ARHGAP44: variants seen among roughly 807,000 people sequenced by gnomAD.
ARHGAP44 encodes rho GTPase-activating protein 44.
A neutral mutation model predicts 106.8 loss-of-function variants in ARHGAP44; 43 were observed. The ratio of observed to expected loss-of-function variants is 0.40; its 90% CI spans 0.32 to 0.52. The LOEUF (loss-of-function observed/expected upper bound fraction) is 0.52, where lower values mean the gene tolerates loss of function less well. Among genes scored for constraint, ARHGAP44 ranks in the 20% least tolerant of loss-of-function variants. The pLI is 0.48. For missense variants in ARHGAP44, 866 were observed against 1,050.5 expected (o/e 0.82, Z 2.43); for synonymous variants, 439 against 410.3 (o/e 1.07, Z -0.85).
chr17:12,902,030 T>G (rs2037389207), intron 3 of ARHGAP44, among the ~76,000 whole-genome samples: 1 of 152,110 alleles, frequency 6.6e-6, no homozygotes, highest in Non-Finnish European at 1.5e-5. Context: ...TCCTCTTCCC[T>G]TCTCTGCAAG....
rs538232997 is a variant in ARHGAP44 at position 12,901,908 on chromosome 17, A to G, written c.198+5397A>G. On this transcript the variant is annotated intron_variant, in intron 3 of 20. Transcript: ENST00000379672. Reference sequence around the variant, plus strand: ...GTAAGCCCTGCTGACTCTTCCTCCAAAGAATTTCCATTTGGCTTCAACATT... The same window carrying G: ...GTAAGCCCTGCTGACTCTTCCTCCAGAGAATTTCCATTTGGCTTCAACATT... Among the ~76,000 whole-genome samples the G allele has an allele frequency of 1.4e-4, 22 of 152,200 alleles. No homozygotes were observed. In the East Asian group the frequency reaches 1.5e-3, roughly 11 times the overall value.
At chr17:12,895,034 G>A in intron 2 of ARHGAP44, 55 bp downstream of exon 2, 1 of 1,535,000 alleles carries the variant, frequency 6.5e-7, no homozygotes, top group South Asian at 1.2e-5. Context: ...GGGAGGCTGA[G>A]GCAGGAGAAT....
At chr17:12,875,668 G>A (rs1442841634) in intron 1 of ARHGAP44, among the ~76,000 whole-genome samples, 1 of 152,134 alleles carries the variant, frequency 6.6e-6, no homozygotes, top group Non-Finnish European at 1.5e-5. Flanking sequence ...ATTAGGCTGG[G>A]CGCAGTGGCT....
intron 16 of ARHGAP44, among the ~76,000 whole-genome samples, chr17:12,970,920 T>A (rs1268891295): frequency 6.6e-6 from 1 of 152,216 alleles, no homozygotes; most frequent in Non-Finnish European, 1.5e-5. Flanking sequence ...ACCATCTTGC[T>A]TTGGAAGGTA....
chr17:12,892,597 C>A (rs956714699), intron 1 of ARHGAP44, among the ~76,000 whole-genome samples: 2 of 152,060 alleles, frequency 1.3e-5, no homozygotes, highest in Middle Eastern at 6.8e-3. Flanking sequence ...TTCCCTTCTT[C>A]TTCTGGGACT....
chr17:12,852,506 C>T (rs935337325), intron 1 of ARHGAP44, among the ~76,000 whole-genome samples: 11 of 149,310 alleles, frequency 7.4e-5, no homozygotes, highest in Non-Finnish European at 1.6e-4. Flanking sequence ...TGAAAATATA[C>T]ATATATTTCT....
At chr17:12,900,913 C>CTT (rs3074723) in intron 3 of ARHGAP44, among the ~76,000 whole-genome samples, 2 of 103,604 alleles carry the variant, frequency 1.9e-5, no homozygotes, top group South Asian at 3.7e-4. Flanking sequence ...GAAAGTTTGG[C>CTT]TTTTTTTTTT....
chr17:12,959,040 C>G, intron 16 of ARHGAP44, 143 bp downstream of exon 16: 1 of 1,034,772 alleles, frequency 9.7e-7, no homozygotes, highest in Non-Finnish European at 1.4e-6. Flanking sequence ...TAAACTGTAT[C>G]TGCTGTGTCT....
rs551905033 is a variant in ARHGAP44 at position 12,949,791 on chromosome 17, A to G, written c.1055+61A>G. The G allele has an allele frequency of 6.7e-7, 1 of 1,499,552 alleles. No individual in the cohort carries two copies. The highest frequency in any genetic ancestry group is 1.1e-5 in the South Asian group (1 of 87,872). The allele number at this position is 1,499,552 out of a possible 1,614,324, so 92.9% of individuals were successfully genotyped here. A position where few individuals can be genotyped will look rare whatever the true frequency, so the allele number is the denominator to read the frequency against. On this transcript the variant is annotated intron_variant, in intron 12 of 20. Coordinates refer to ENST00000379672, the MANE Select transcript of ARHGAP44 (RefSeq NM_014859.6). The surrounding 1 kb of genome is among the most constrained non-coding windows in gnomAD (Gnocchi z 4.1). ...ACAGTTTATTTGGGAGTATGTGCTGAAATTATAGAAGCATGTAACCTATGA... is the reference window on the plus strand; with the variant it reads ...ACAGTTTATTTGGGAGTATGTGCTGGAATTATAGAAGCATGTAACCTATGA...
chr17:12,886,135 C>G (rs2322654), intron 1 of ARHGAP44, among the ~76,000 whole-genome samples: 1 of 151,254 alleles, frequency 6.6e-6, no homozygotes, highest in East Asian at 1.9e-4. Context: ...TTTTTAGAGA[C>G]CACTGATCAT....
rs1363493719 is a variant in ARHGAP44, at chr17:12,895,761, CA to C, written c.94-643del. On this transcript the variant is annotated intron_variant, in intron 2 of 20. Transcript: ENST00000379672. ...GCCATCCCATTACTGGGTATATACC[CA>C]AAGGATTATAAATCATGCTGCTATA... Among the ~76,000 whole-genome samples, 13 of 152,100 alleles carry C rather than the reference CA, an allele frequency of 8.5e-5. No homozygotes were observed. In the South Asian group the frequency reaches 1.9e-3, roughly 22 times the overall value.
At chr17:12,893,871 G>A (rs1382568474) in intron 1 of ARHGAP44, among the ~76,000 whole-genome samples, 2 of 152,274 alleles carry the variant, frequency 1.3e-5, no homozygotes, top group East Asian at 3.9e-4. Context: ...TAAGCTCCAA[G>A]TCTGAGAAAT....
chr17:12,833,709 G>C (rs1413773403), intron 1 of ARHGAP44, among the ~76,000 whole-genome samples: 2 of 152,182 alleles, frequency 1.3e-5, no homozygotes, highest in Admixed American at 1.3e-4. Flanking sequence ...ATTTTAGGGA[G>C]ACATAAGGCA....
At chr17:12,960,832 G>C (rs1433148760) in intron 16 of ARHGAP44, among the ~76,000 whole-genome samples, 1 of 152,062 alleles carries the variant, frequency 6.6e-6, no homozygotes, top group Non-Finnish European at 1.5e-5. Flanking sequence ...CCAAAGTACT[G>C]GGATTACAAG....
chr17:12,900,322 GT>G (rs2037337949), intron 3 of ARHGAP44, among the ~76,000 whole-genome samples: 1 of 151,862 alleles, frequency 6.6e-6, no homozygotes, highest in Non-Finnish European at 1.5e-5. Context: ...TAGAGATGGG[GT>G]TTCACCATGT....
intron 19 of ARHGAP44, 142 bp from the exon 20 acceptor site, chr17:12,984,389 G>T (rs1490770725): frequency 1.3e-6 from 1 of 793,202 alleles, no homozygotes; most frequent in Non-Finnish European, 1.8e-6. Flanking sequence ...AGGCCGGGGG[G>T]CAGGGCAGGG....
In ARHGAP44 at chr17:12,949,274, G is replaced by T. The variant is rs746053248; in HGVS notation, c.973+23G>T. On this transcript the variant is annotated intron_variant, in intron 11 of 20. Transcript: ENST00000379672. This position sits in a 1 kb window ranked among gnomAD's most constrained non-coding sequence, Gnocchi z 4.1. ...CAGGTGGGCACCTCTCAGCGCTCCT[G>T]TGTGCCATGGAGGCTCACAGGGAAG... 6.5e-7 allele frequency: 1 copy of T among 1,547,982 alleles called. No individual in the cohort carries two copies. The highest frequency in any genetic ancestry group is 1.2e-5 in the South Asian group (1 of 84,000).
At chr17:12,815,281 G>A (rs2150786307) in intron 1 of ARHGAP44, among the ~76,000 whole-genome samples, 1 of 152,254 alleles carries the variant, frequency 6.6e-6, no homozygotes, top group Admixed American at 6.5e-5. Context: ...ATACACGGCT[G>A]TCTACTGTAT....
chr17:12,851,237 G>A (rs936326421), intron 1 of ARHGAP44, among the ~76,000 whole-genome samples: 1 of 152,184 alleles, frequency 6.6e-6, no homozygotes, highest in Non-Finnish European at 1.5e-5. Flanking sequence ...CGTGCAGTTG[G>A]CCCAGTCTCT....
Sources: gnomAD v4.1 joint callset for allele counts (sites outside exome capture counted in the v4.1 genomes callset) on GRCh38, gnomAD v4.1.1 for gene constraint, Gnocchi (gnomAD v3.1) non-coding constraint, MANE v1.5 for transcripts, NCBI Gene and HGNC (gene_info 2026-07-23, HGNC 2026-07-21) for gene names.